GALNT10: variants seen among roughly 807,000 people sequenced by gnomAD.
The protein encoded by GALNT10 is polypeptide N-acetylgalactosaminyltransferase 10, also known as GalNAc transferase 10.
Under a neutral mutation model 75.0 loss-of-function variants are expected in GALNT10, and 41 were observed. The ratio of observed to expected loss-of-function variants is 0.55; its 90% confidence interval spans 0.43 to 0.71. GALNT10 has a LOEUF of 0.71. Among genes scored for constraint, GALNT10 ranks in the 30% least tolerant of loss-of-function variants. The pLI, the probability that GALNT10 is intolerant of heterozygous loss-of-function variation, is 0.00. For synonymous variants in GALNT10, 302 were observed against 313.0 expected, an observed-to-expected ratio of 0.96 and a Z score of 0.37; for missense variants, 727 against 818.5, an observed-to-expected ratio of 0.89 and a Z score of 1.36.
chr5:154,224,948 T>C (rs1419885371), intron 1 of GALNT10, among the ~76,000 whole-genome samples: 1 of 151,736 alleles, frequency 6.6e-6, no homozygotes, highest in Admixed American at 6.6e-5. Context: ...GCCTGGCTAA[T>C]TTTTTGTATT....
intron 1 of GALNT10, among the ~76,000 whole-genome samples, chr5:154,258,310 A>G (rs1753646859): frequency 6.6e-6 from 1 of 152,218 alleles, no homozygotes; most frequent in Non-Finnish European, 1.5e-5. Flanking sequence ...TGTCTTGAGC[A>G]GTTCTCCATC....
intron 1 of GALNT10, among the ~76,000 whole-genome samples, chr5:154,212,400 A>G (rs1752779234): frequency 6.6e-6 from 1 of 152,226 alleles, no homozygotes; most frequent in Non-Finnish European, 1.5e-5. Context: ...TAGCACATCT[A>G]TGTGTATAAA....
At chr5:154,314,367 G>A (rs1394244812) in intron 3 of GALNT10, among the ~76,000 whole-genome samples, 1 of 152,026 alleles carries the variant, frequency 6.6e-6, no homozygotes, top group Non-Finnish European at 1.5e-5. Context: ...TCTTACCCTT[G>A]GACCAAGGGC....
chr5:154,267,501 T>C (rs1581947104), intron 1 of GALNT10, among the ~76,000 whole-genome samples: 1 of 152,332 alleles, frequency 6.6e-6, no homozygotes, highest in East Asian at 1.9e-4. Context: ...CTTCATTTCT[T>C]AAAAAACAGT....
intron 3 of GALNT10, among the ~76,000 whole-genome samples, chr5:154,321,840 C>T (rs1250628693): frequency 1.3e-5 from 2 of 152,194 alleles, no homozygotes; most frequent in East Asian, 3.9e-4. Context: ...CACCCACTGT[C>T]ACCTCCAGCC....
At position 154,337,961 on chromosome 5, in the gene GALNT10, A is replaced by G; in HGVS notation, c.568+8223A>G. On this transcript the variant is annotated intron_variant, in intron 4 of 11. Transcript: ENST00000297107. Reference sequence around the variant, plus strand: ...GAATGACAGTCTTATCCACGGAGTCATGGTCGTCAAAGGTTACAAAGGCAA... The same window carrying G: ...GAATGACAGTCTTATCCACGGAGTCGTGGTCGTCAAAGGTTACAAAGGCAA... 4.4e-6 allele frequency: 7 copies of G among 1,576,242 alleles called. No homozygotes were observed. The South Asian group carries it at 6.6e-5, about 15-fold the overall frequency.
rs1755655214 is a variant in GALNT10 at position 154,376,660 on chromosome 5, T to G, written c.754+198T>G. The stretch of plus-strand genomic sequence containing the variant: ...ATCCAGCCAGTCCTGTCCCTTCATT[T>G]CACAGAGAAGTTAAGACTCAGAGAG... On this transcript the variant is annotated intron_variant, in intron 5 of 11. Coordinates refer to ENST00000297107, the MANE Select transcript of GALNT10 (RefSeq NM_198321.4). This position sits in a 1 kb window ranked among gnomAD's most constrained non-coding sequence, Gnocchi z 4.1. 6.6e-6 allele frequency among the ~76,000 whole-genome samples: 1 copy of G among 152,170 alleles called. No individual in the cohort carries two copies.
intron 1 of GALNT10, among the ~76,000 whole-genome samples, chr5:154,245,287 A>G (rs2113670489): frequency 6.6e-6 from 1 of 152,324 alleles, no homozygotes; most frequent in Admixed American, 6.5e-5. Context: ...CACCAGTCGG[A>G]TACGGGGAGG....
At chr5:154,231,397 T>C (rs901790349) in intron 1 of GALNT10, among the ~76,000 whole-genome samples, 1 of 152,208 alleles carries the variant, frequency 6.6e-6, no homozygotes, top group Non-Finnish European at 1.5e-5. Context: ...TTCAAGCCCA[T>C]TGAATTCAGA....
At chr5:154,269,813 A>G (rs1753834663) in intron 1 of GALNT10, among the ~76,000 whole-genome samples, 1 of 152,210 alleles carries the variant, frequency 6.6e-6, no homozygotes, top group African/African-American at 2.4e-5. Context: ...GGACTGGCAG[A>G]GGGTAGGAGG....
chr5:154,226,391 G>A (rs1422191575), intron 1 of GALNT10, among the ~76,000 whole-genome samples: 2 of 152,088 alleles, frequency 1.3e-5, no homozygotes, highest in Non-Finnish European at 2.9e-5. Context: ...TTCAGCAAGG[G>A]CTCTTGATAG....
chr5:154,301,850 C>G (rs1439890861), intron 3 of GALNT10, among the ~76,000 whole-genome samples: 2 of 152,188 alleles, frequency 1.3e-5, no homozygotes, highest in African/African-American at 4.8e-5. Flanking sequence ...AACTCCTGTT[C>G]CAGGTGGGTG....
chr5:154,218,119 GC>G (rs1752912150), intron 1 of GALNT10: 1 of 985,228 alleles, frequency 1.0e-6, no homozygotes, highest in Non-Finnish European at 1.2e-6. Flanking sequence ...CAGATGCACA[GC>G]CTCTGCCTTC....
At chr5:154,358,415 C>T (rs1054462602) in intron 4 of GALNT10, among the ~76,000 whole-genome samples, 6 of 152,180 alleles carry the variant, frequency 3.9e-5, no homozygotes, top group African/African-American at 1.4e-4. Flanking sequence ...ATTCTGTTAT[C>T]ACCTTATATC....
chr5:154,420,815 G>C lies in GALNT10; in HGVS notation c.*3843G>C, dbSNP rs1229404391. ...TGGCTTGAAGACTAGGATCCCAAAG[G>C]GGTTGGAGGCAGGGAATATTTGAAA... On this transcript the variant is annotated 3_prime_UTR_variant, in exon 12 of 12. Transcript: ENST00000297107. The C allele has an allele frequency of 6.6e-6, 1 of 152,172 alleles. No homozygotes were observed. Among genetic ancestry groups the C allele is most frequent in the African/African-American group, 2.4e-5 (1 of 41,442 alleles). 9.4% of individuals were successfully genotyped at this position (152,172 alleles called of 1,614,324 possible). A position where few individuals can be genotyped will look rare whatever the true frequency, so the allele number is the denominator to read the frequency against.
chr5:154,251,463 T>C (rs1753523110), intron 1 of GALNT10, among the ~76,000 whole-genome samples: 1 of 152,168 alleles, frequency 6.6e-6, no homozygotes, highest in African/African-American at 2.4e-5. Context: ...CAAGTTAACA[T>C]ATTCCTCAGT....
At chr5:154,340,270 G>A (rs1433440031) in intron 4 of GALNT10, among the ~76,000 whole-genome samples, 5 of 152,244 alleles carry the variant, frequency 3.3e-5, no homozygotes, top group African/African-American at 1.2e-4. Flanking sequence ...ATAATAATGC[G>A]ACACAGCACC....
chr5:154,242,676 A>G (rs1753355992), intron 1 of GALNT10, among the ~76,000 whole-genome samples: 2 of 152,246 alleles, frequency 1.3e-5, no homozygotes, highest in South Asian at 4.2e-4. Context: ...AAGCACTCAG[A>G]GCCCTCCTCT....
intron 6 of GALNT10, among the ~76,000 whole-genome samples, chr5:154,382,812 C>A (rs1435489249): frequency 2.0e-5 from 3 of 152,232 alleles, no homozygotes; most frequent in Non-Finnish European, 4.4e-5. Flanking sequence ...CCATCGTTAT[C>A]CTCATTGCAC....
Sources: gnomAD v4.1 joint callset for allele counts (sites outside exome capture counted in the v4.1 genomes callset) on GRCh38, gnomAD v4.1.1 for gene constraint, Gnocchi (gnomAD v3.1) non-coding constraint, MANE v1.5 for transcripts, NCBI Gene and HGNC (gene_info 2026-07-23, HGNC 2026-07-21) for gene names.